Variants in RILPL2 observed in about 807,000 individuals in gnomAD.
RILPL2 encodes the protein RILP-like protein 2.
A neutral mutation model predicts 22.2 loss-of-function variants in RILPL2; 19 were observed. The observed-to-expected ratio is 0.86, with a 90% CI of 0.60 to 1.25. RILPL2 has a LOEUF of 1.25. RILPL2 is among the 50% of genes most tolerant of loss of function. The pLI is 0.00. For synonymous variants in RILPL2, 123 were observed against 111.6 expected (o/e 1.10, Z -0.64); for missense variants, 243 against 263.6 (o/e 0.92, Z 0.54).
At position 123,415,905 on chromosome 12, in the gene RILPL2, C is replaced by T; in HGVS notation, c.622G>A (p.Gly208Arg). The T allele has an allele frequency of 6.2e-7, 1 of 1,613,978 alleles. No homozygotes were observed. The highest frequency in any genetic ancestry group is 2.2e-5 in the East Asian group (1 of 44,886). ...TGGCCTTGGATCTAGGTCTGTTTCCCCGATCGAAAAAAGAACCTGGTGTGG... is the reference window on the plus strand; with the variant it reads ...TGGCCTTGGATCTAGGTCTGTTTCCTCGATCGAAAAAAGAACCTGGTGTGG... ...IIKKLFFFRSGKQT is the reference protein window; with the variant it reads ...IIKKLFFFRSRKQT Residue 208 changes from glycine (G) to arginine (R), a missense_variant, in exon 4 of 4, where the codon GGG becomes AGG. Coordinates refer to ENST00000280571, the MANE Select transcript of RILPL2 (RefSeq NM_145058.3).
At chr12:123,417,111 A>G (rs1361338259) in intron 3 of RILPL2, among the ~76,000 whole-genome samples, 2 of 151,934 alleles carry the variant, frequency 1.3e-5, no homozygotes, top group Non-Finnish European at 2.9e-5. Context: ...CCAGCCTGAG[A>G]AACGTGGAGA....
intron 1 of RILPL2, among the ~76,000 whole-genome samples, chr12:123,434,024 A>G (rs1189609861): frequency 6.6e-6 from 1 of 152,210 alleles, no homozygotes; most frequent in Non-Finnish European, 1.5e-5. Context: ...CTGAGGATTA[A>G]AAAAGACATC....
At chr12:123,412,556 G>C, downstream of RILPL2, 1 of 152,192 alleles carries the variant, frequency 6.6e-6, no homozygotes, top group East Asian at 1.9e-4. Flanking sequence ...GGAAGGCAGA[G>C]TGGTTGAAGC....
At position 123,430,606 on chromosome 12, in the gene RILPL2, G is replaced by C; in HGVS notation, c.393C>G (p.Pro131=). 3 of 1,611,836 alleles carry C rather than the reference G, an allele frequency of 1.9e-6. No homozygotes were observed. Among genetic ancestry groups the C allele is most frequent in the African/African-American group, 1.3e-5 (1 of 74,934 alleles). Residue 131 remains proline (P), a synonymous_variant, in exon 2 of 4, where the codon CCC becomes CCG. Coordinates refer to ENST00000280571, the MANE Select transcript of RILPL2 (RefSeq NM_145058.3). The stretch of plus-strand genomic sequence containing the variant: ...CCCTTAGCTCCTGCAGAGTGAAGCG[G>C]GGTCGGTTGGGATCTGTCAGGTCAA... ...MVVDLTDPNR[P]RFTLQELRDV...
intron 3 of RILPL2, among the ~76,000 whole-genome samples, chr12:123,417,674 T>C (rs1434185114): frequency 1.3e-5 from 2 of 152,162 alleles, no homozygotes; most frequent in Admixed American, 1.3e-4. Flanking sequence ...AACCTCCGCC[T>C]ACCAGAGTTC....
downstream of RILPL2, chr12:123,411,580 C>T (rs1309414960): frequency 2.1e-5 from 2 of 96,662 alleles, no homozygotes; most frequent in Admixed American, 2.4e-4. Flanking sequence ...TTTTTTGAGA[C>T]GGAGTCTCAT....
intron 2 of RILPL2, 31 bp downstream of exon 2, chr12:123,430,477 G>A: frequency 6.4e-7 from 1 of 1,558,578 alleles, no homozygotes. Flanking sequence ...GCCAGGTCTG[G>A]GTGCAGGACC....
chr12:123,410,713 CAAAAA>C (rs527567892), downstream of RILPL2: 1 of 125,536 alleles, frequency 8.0e-6, no homozygotes, highest in African/African-American at 2.7e-5. Flanking sequence ...TGAGTTAATA[CAAAAA>C]AAAAAAAAAC....
downstream of RILPL2, chr12:123,414,664 C>T: frequency 6.5e-6 from 1 of 154,166 alleles, no homozygotes; most frequent in South Asian, 2.0e-4. Context: ...ACTGCCAGCA[C>T]GCTGTCACCT....
At chr12:123,434,091 A>C (rs1879721347) in intron 1 of RILPL2, among the ~76,000 whole-genome samples, 1 of 152,110 alleles carries the variant, frequency 6.6e-6, no homozygotes. Context: ...GAGACCTGCT[A>C]GTAGGTCATA....
At chr12:123,410,323 T>G (rs1367648508), downstream of RILPL2, among the ~76,000 whole-genome samples, 1 of 152,224 alleles carries the variant, frequency 6.6e-6, no homozygotes, top group Non-Finnish European at 1.5e-5. Flanking sequence ...CCCAGATCCC[T>G]GTCCCCTCCA....
intron 1 of RILPL2, among the ~76,000 whole-genome samples, chr12:123,435,139 CACT>C (rs1879758259): frequency 6.6e-6 from 1 of 151,378 alleles, no homozygotes; most frequent in Non-Finnish European, 1.5e-5. Flanking sequence ...GAGGTCACGC[CACT>C]GCACTACAGT....
chr12:123,410,808 C>G (rs143276496), downstream of RILPL2: 275 of 152,096 alleles, frequency 1.8e-3, 1 homozygote, highest in African/African-American at 6.5e-3. Flanking sequence ...TGGCTAGCTT[C>G]TATTCAGTGT....
At chr12:123,416,363 G>A (rs1879119007) in intron 3 of RILPL2, among the ~76,000 whole-genome samples, 1 of 151,442 alleles carries the variant, frequency 6.6e-6, no homozygotes, top group Non-Finnish European at 1.5e-5. Context: ...AAAAAACCCG[G>A]GTGCGGTGGC....
chr12:123,428,331 T>G (rs909697532), intron 2 of RILPL2, among the ~76,000 whole-genome samples: 2 of 151,854 alleles, frequency 1.3e-5, no homozygotes, highest in East Asian at 3.9e-4. Flanking sequence ...AGAGACGGGG[T>G]TTCACCGTGT....
chr12:123,422,551 T>TG (rs1238932041), intron 3 of RILPL2, among the ~76,000 whole-genome samples: 2 of 152,092 alleles, frequency 1.3e-5, no homozygotes, highest in African/African-American at 4.8e-5. Flanking sequence ...TTCATTGACA[T>TG]GGGGTCTCAC....
chr12:123,412,331 G>C (rs189816995), downstream of RILPL2: 29 of 152,312 alleles, frequency 1.9e-4, no homozygotes, highest in African/African-American at 6.7e-4. Flanking sequence ...TGTAAAGATA[G>C]GTTCTTACTA....
chr12:123,435,972 A>T, intron 1 of RILPL2, 110 bp downstream of exon 1: 2 of 1,410,456 alleles, frequency 1.4e-6, no homozygotes, highest in Admixed American at 2.8e-5. Flanking sequence ...TTAAAAAAAG[A>T]AAAAAGAGAA....
downstream of RILPL2, chr12:123,411,752 C>T (rs1446816236): frequency 6.6e-6 from 1 of 151,522 alleles, no homozygotes; most frequent in African/African-American, 2.4e-5. Flanking sequence ...TCTCGAACTC[C>T]TGACCTTGTG....
Sources: allele counts gnomAD v4.1 joint callset (sites outside exome capture counted in the v4.1 genomes callset), GRCh38; gene constraint gnomAD v4.1.1; transcripts MANE v1.5; gene names NCBI Gene and HGNC (gene_info 2026-07-23, HGNC 2026-07-21).